The following SPMIP7 variants were observed in gnomAD, a reference collection of about 807,000 sequenced individuals.
The protein encoded by SPMIP7 is sperm microtubule inner protein 7.
At chr7:50,128,469 A>G in the SPMIP7 span, among the ~76,000 whole-genome samples, 3 of 152,018 alleles carry the variant, frequency 2.0e-5, no homozygotes, top group Non-Finnish European at 4.4e-5. Context: ...AAAAATTCAT[A>G]TGTTTCTAGC....
At chr7:50,111,304 C>T in the SPMIP7 span, among the ~76,000 whole-genome samples, 2 of 151,946 alleles carry the variant, frequency 1.3e-5, no homozygotes, top group Non-Finnish European at 2.9e-5. Context: ...GTTCCTGCTT[C>T]TGCAGTGAAA....
At chr7:50,099,945 CT>C in the SPMIP7 span, among the ~76,000 whole-genome samples, 1 of 152,126 alleles carries the variant, frequency 6.6e-6, no homozygotes, top group Admixed American at 6.5e-5. Context: ...AATCATAGTT[CT>C]TTAGGCAACT....
the SPMIP7 span, among the ~76,000 whole-genome samples, chr7:50,151,092 G>C: frequency 1.6e-4 from 24 of 152,328 alleles, no homozygotes; most frequent in Middle Eastern, 6.8e-3. Flanking sequence ...ATATGTGTGG[G>C]ATACAGGTCT....
At chr7:50,112,374 A>G in the SPMIP7 span, among the ~76,000 whole-genome samples, 1,174 of 152,216 alleles carry the variant, frequency 7.7e-3, 24 homozygotes, top group African/African-American at 0.027. Flanking sequence ...GGCTTCATAA[A>G]TCTTTGCTGA....
At chr7:50,146,141 C>T in the SPMIP7 span, among the ~76,000 whole-genome samples, 2 of 152,170 alleles carry the variant, frequency 1.3e-5, no homozygotes, top group African/African-American at 4.8e-5. Context: ...CCCAATACTT[C>T]TGCCTTTTCA....
chr7:50,146,025 A>G, the SPMIP7 span, among the ~76,000 whole-genome samples: 65 of 152,258 alleles, frequency 4.3e-4, 1 homozygote, highest in Non-Finnish European at 1.3e-4. Context: ...TCTCCCATGG[A>G]AAAGGGGGCT....
the SPMIP7 span, among the ~76,000 whole-genome samples, chr7:50,122,722 A>C: frequency 6.6e-6 from 1 of 151,904 alleles, no homozygotes; most frequent in African/African-American, 2.4e-5. Flanking sequence ...ATTTACAAGA[A>C]AAAAACAAAC....
the SPMIP7 span, among the ~76,000 whole-genome samples, chr7:50,110,921 G>T: frequency 1.5e-5 from 2 of 129,450 alleles, no homozygotes; most frequent in Admixed American, 8.0e-5. Flanking sequence ...AAAAGCATAA[G>T]CTAATATATA....
the SPMIP7 span, among the ~76,000 whole-genome samples, chr7:50,128,030 C>G: frequency 6.6e-6 from 1 of 151,812 alleles, no homozygotes; most frequent in Non-Finnish European, 1.5e-5. Context: ...TTATTGCAGC[C>G]CTATTCGCAT....
chr7:50,101,952 G>A, the SPMIP7 span, among the ~76,000 whole-genome samples: 8 of 152,146 alleles, frequency 5.3e-5, no homozygotes, highest in Non-Finnish European at 8.8e-5. Context: ...AGTGAAACCC[G>A]TTAATCACAG....
the SPMIP7 span, among the ~76,000 whole-genome samples, chr7:50,109,211 G>T: frequency 6.6e-6 from 1 of 152,000 alleles, no homozygotes; most frequent in African/African-American, 2.4e-5. Context: ...CCTATTTATG[G>T]CTCAGAAATA....
chr7:50,139,057 T>C, the SPMIP7 span, among the ~76,000 whole-genome samples: 1 of 152,028 alleles, frequency 6.6e-6, no homozygotes, highest in Non-Finnish European at 1.5e-5. Flanking sequence ...TATTTAAAAA[T>C]TTAACATTAT....
the SPMIP7 span, chr7:50,117,231 T>G: frequency 2.2e-6 from 1 of 455,674 alleles, no homozygotes; most frequent in East Asian, 7.0e-5. Flanking sequence ...GAAAATAACA[T>G]TCAGGCATTA....
the SPMIP7 span, among the ~76,000 whole-genome samples, chr7:50,123,863 T>C: frequency 3.3e-5 from 5 of 152,092 alleles, no homozygotes; most frequent in African/African-American, 1.2e-4. Flanking sequence ...AATAAAATGT[T>C]ACACTTAATC....
chr7:50,159,165 A>C, the SPMIP7 span: 5 of 1,551,278 alleles, frequency 3.2e-6, no homozygotes, highest in Non-Finnish European at 4.4e-6. Flanking sequence ...ACCATAGACT[A>C]CTAGAGGAGG....
chr7:50,108,426 G>T, the SPMIP7 span, among the ~76,000 whole-genome samples: 1 of 152,100 alleles, frequency 6.6e-6, no homozygotes, highest in Non-Finnish European at 1.5e-5. Context: ...AAGTGGAAGA[G>T]ATGCTATATT....
chr7:50,131,588 C>T, the SPMIP7 span, among the ~76,000 whole-genome samples: 2 of 151,808 alleles, frequency 1.3e-5, no homozygotes, highest in East Asian at 1.9e-4. Context: ...CCTGGCATCT[C>T]GTTAAAAAAG....
At chr7:50,153,484 C>T in the SPMIP7 span, among the ~76,000 whole-genome samples, 1 of 152,214 alleles carries the variant, frequency 6.6e-6, no homozygotes, top group East Asian at 1.9e-4. Flanking sequence ...ACAAGAACTG[C>T]TTGCAAGGAG....
At chr7:50,115,911 A>G in the SPMIP7 span, among the ~76,000 whole-genome samples, 2 of 152,136 alleles carry the variant, frequency 1.3e-5, no homozygotes, top group African/African-American at 4.8e-5. Context: ...TGTGTAAGCA[A>G]TCTCAAGCAA....
Sources: gnomAD v4.1 joint callset for allele counts (sites outside exome capture counted in the v4.1 genomes callset) on GRCh38, gnomAD v4.1.1 for gene constraint, MANE v1.5 for transcripts, NCBI Gene and HGNC (gene_info 2026-07-23, HGNC 2026-07-21) for gene names.